Variants in PCDHA1 observed in about 807,000 individuals in gnomAD.
PCDHA1 encodes protocadherin alpha 1, also known as protocadherin alpha-1.
A neutral mutation model predicts 61.3 loss-of-function variants in PCDHA1; 42 were observed. The ratio of observed to expected loss-of-function variants is 0.69; its 90% CI spans 0.54 to 0.89. PCDHA1 has a LOEUF of 0.89. Among genes scored for constraint, PCDHA1 ranks in the 40% least tolerant of loss-of-function variants. PCDHA1 has a pLI of 0.00. For synonymous variants in PCDHA1, 610 were observed against 553.8 expected, an observed-to-expected ratio of 1.10 and a Z score of -1.43; for missense variants, 1,256 against 1,235.3, an observed-to-expected ratio of 1.02 and a Z score of -0.25.
intron 1 of PCDHA1, chr5:140,869,076 C>T (rs367613564): frequency 1.9e-6 from 3 of 1,577,816 alleles, no homozygotes; most frequent in African/African-American, 2.7e-5. Context: ...TGTAAAGAAG[C>T]TTATTTTGGA....
rs782070624 is a variant in PCDHA1, at chr5:140,795,748, G to T, written c.2394+7064G>T. 5 of 1,614,036 alleles carry T rather than the reference G, an allele frequency of 3.1e-6. No homozygotes were observed. In the Admixed American group the frequency reaches 6.7e-5, roughly 22 times the overall value. On this transcript the variant is annotated intron_variant, in intron 1 of 3. Transcript: ENST00000504120. ...GAATACGGCAAATGGGACCTTAGTG[G>T]TTAAGTTAAACGCTTCTGATGCAGA...
At chr5:140,836,095 G>T in intron 1 of PCDHA1, 2 of 1,613,694 alleles carry the variant, frequency 1.2e-6, no homozygotes, top group Non-Finnish European at 1.7e-6. Context: ...CCTCGGGTGG[G>T]TGGCACTGGT....
intron 1 of PCDHA1, among the ~76,000 whole-genome samples, chr5:140,919,099 C>T (rs972213897): frequency 4.6e-5 from 7 of 152,126 alleles, no homozygotes; most frequent in Non-Finnish European, 7.4e-5. Context: ...CTATTTCTCC[C>T]TTCATTTCTG....
At chr5:140,798,693 A>G (rs1443802403) in intron 1 of PCDHA1, among the ~76,000 whole-genome samples, 1 of 152,220 alleles carries the variant, frequency 6.6e-6, no homozygotes, top group Non-Finnish European at 1.5e-5. Context: ...GAATTTTTCC[A>G]AAAGATGAGG....
intron 1 of PCDHA1, chr5:140,864,797 G>C (rs868909450): frequency 1.3e-5 from 2 of 152,026 alleles, no homozygotes; most frequent in Non-Finnish European, 2.9e-5. Flanking sequence ...AATATTTTAG[G>C]GTAGGAAAAT....
intron 1 of PCDHA1, chr5:140,857,580 C>T: frequency 6.3e-7 from 1 of 1,596,630 alleles, no homozygotes; most frequent in African/African-American, 1.3e-5. Flanking sequence ...TCGGTGCACG[C>T]GGAGAGCGGC....
At chr5:140,880,214 A>C (rs2058267657) in intron 1 of PCDHA1, among the ~76,000 whole-genome samples, 1 of 152,224 alleles carries the variant, frequency 6.6e-6, no homozygotes, top group African/African-American at 2.4e-5. Flanking sequence ...TTCCACCAGA[A>C]GTAGAACATT....
chr5:140,927,172 G>C (rs782548172), intron 1 of PCDHA1: 2 of 1,614,034 alleles, frequency 1.2e-6, no homozygotes, highest in African/African-American at 2.7e-5. Flanking sequence ...AGCTGCCTGC[G>C]TCTTGACCTA....
At position 141,011,912 on chromosome 5, in the gene PCDHA1, T is replaced by C. The variant is rs573561005; in HGVS notation, c.*1975T>C. ...ATTATATTATCTATTTAGGCATTAA[T>C]ATAAAAGAGGTAGGAGTCTGTTATT... On this transcript the variant is annotated 3_prime_UTR_variant, in exon 4 of 4. Coordinates refer to ENST00000504120, the MANE Select transcript of PCDHA1 (RefSeq NM_018900.4). 4 of 153,808 alleles carry C rather than the reference T, an allele frequency of 2.6e-5. No individual in the cohort carries two copies. In the South Asian group the frequency reaches 8.3e-4, roughly 32 times the overall value. 9.5% of individuals were successfully genotyped at this position (153,808 alleles called of 1,614,324 possible).
Position 141,003,903 on chromosome 5 carries a change from G to C in PCDHA1, c.2543-5724G>C, listed in dbSNP as rs150270772. Among the ~76,000 whole-genome samples, 254 of 152,194 alleles carry C rather than the reference G, an allele frequency of 1.7e-3. 1 individual carries two copies. Among genetic ancestry groups the C allele is most frequent in the Non-Finnish European group, 3.4e-3 (231 of 67,998 alleles). ...AGCCTCTTAACAGGCCCATTCATTT[G>C]GGTCTTGACTGCATCCTCAGTCTTG... On this transcript the variant is annotated intron_variant, in intron 3 of 3. Coordinates refer to ENST00000504120, the MANE Select transcript of PCDHA1 (RefSeq NM_018900.4).
intron 1 of PCDHA1, chr5:140,926,673 A>T (rs998903830): frequency 2.1e-5 from 12 of 580,470 alleles, no homozygotes; most frequent in Non-Finnish European, 3.2e-5. Flanking sequence ...ACGGCTGCCC[A>T]GCCTCCAGCC....
chr5:140,840,876 C>T (rs975693144), intron 1 of PCDHA1, among the ~76,000 whole-genome samples: 2 of 151,942 alleles, frequency 1.3e-5, no homozygotes, highest in Admixed American at 1.3e-4. Context: ...GGACAGTTTA[C>T]ATTTCTGATA....
intron 3 of PCDHA1, among the ~76,000 whole-genome samples, chr5:140,996,029 C>T (rs915903807): frequency 6.6e-6 from 1 of 152,184 alleles, no homozygotes; most frequent in Admixed American, 6.5e-5. Context: ...GTTTAATGCT[C>T]CTAGCACTTA....
intron 1 of PCDHA1, among the ~76,000 whole-genome samples, chr5:140,899,871 T>G (rs76112838): frequency 0.014 from 2,117 of 152,008 alleles, 43 homozygotes; most frequent in African/African-American, 0.049. Context: ...GCAGTGGTAT[T>G]AACAGAACTC....
intron 2 of PCDHA1, among the ~76,000 whole-genome samples, chr5:140,979,467 ATTG>A (rs1219222898): frequency 6.6e-6 from 1 of 151,680 alleles, no homozygotes; most frequent in Non-Finnish European, 1.5e-5. Context: ...ATTGATTGCT[ATTG>A]TTGTTTGTGT....
intron 1 of PCDHA1, among the ~76,000 whole-genome samples, chr5:140,792,963 G>T (rs1761741120): frequency 6.6e-6 from 1 of 152,158 alleles, no homozygotes; most frequent in Non-Finnish European, 1.5e-5. Context: ...CATAATTTAG[G>T]TGGAGCTGAT....
At position 140,937,762 on chromosome 5, in the gene PCDHA1, A is replaced by T. The variant is rs955142751; in HGVS notation, c.2395-41187A>T. Among the ~76,000 whole-genome samples, 6 of 151,868 alleles carry T rather than the reference A, an allele frequency of 4.0e-5. No individual in the cohort carries two copies. The South Asian group carries it at 6.2e-4, about 16-fold the overall frequency. On this transcript the variant is annotated intron_variant, in intron 1 of 3. Coordinates refer to ENST00000504120, the MANE Select transcript of PCDHA1 (RefSeq NM_018900.4). ...CCCGTCTCTACTAAAAATACAAAAA[A>T]TTAGTCGGGCGTGGTGGCGGGCGTA... is the stretch of plus-strand genomic sequence containing the variant.
At chr5:140,822,933 C>T in intron 1 of PCDHA1, 1 of 1,614,270 alleles carries the variant, frequency 6.2e-7, no homozygotes, top group Non-Finnish European at 8.5e-7. Flanking sequence ...AGGTGACCTG[C>T]TCCCTAATGC....
At chr5:140,868,908 CTTGGTG>C in intron 1 of PCDHA1, 1 of 882,188 alleles carries the variant, frequency 1.1e-6, no homozygotes, top group Non-Finnish European at 1.7e-6. Flanking sequence ...TCGCTCTTTA[CTTGGTG>C]GAAAGTTCAT....
Sources: gnomAD v4.1 joint callset for allele counts (sites outside exome capture counted in the v4.1 genomes callset) on GRCh38, gnomAD v4.1.1 for gene constraint, MANE v1.5 for transcripts, NCBI Gene and HGNC (gene_info 2026-07-23, HGNC 2026-07-21) for gene names.